Variants in FAM156A observed in about 807,000 individuals in gnomAD.
FAM156A encodes the protein protein FAM156A/FAM156B.
chrX:52,987,185 G>A (rs1930351526), intron 1 of FAM156A, among the ~76,000 whole-genome samples: 1 of 111,309 alleles, frequency 9.0e-6, no homozygotes, highest in South Asian at 3.7e-4. Context: ...AAGAAATAAA[G>A]GAACAATTAA....
chrX:52,993,408 CTTTTTT>C (rs147840894), intron 1 of FAM156A, among the ~76,000 whole-genome samples: 1 of 42,587 alleles, frequency 2.3e-5, no homozygotes, highest in Middle Eastern at 0.014. Flanking sequence ...TCTTAACTTT[CTTTTTT>C]TTTTTTTTTT....
intron 1 of FAM156A, among the ~76,000 whole-genome samples, chrX:52,981,448 C>T (rs1556793389): frequency 1.8e-5 from 2 of 111,602 alleles, no homozygotes; most frequent in African/African-American, 6.5e-5. Flanking sequence ...CCCCTGGACA[C>T]CAAGACTTTA....
chrX:52,984,606 G>A (rs1395948699), intron 1 of FAM156A, among the ~76,000 whole-genome samples: 1 of 111,759 alleles, frequency 8.9e-6, no homozygotes, highest in Non-Finnish European at 1.9e-5. Flanking sequence ...AGTGGTTCGC[G>A]CCTGTAATCC....
chrX:52,989,549 G>A (rs1200683032), intron 1 of FAM156A, among the ~76,000 whole-genome samples: 3 of 112,750 alleles, frequency 2.7e-5, no homozygotes, highest in African/African-American at 9.7e-5. Flanking sequence ...GCCTGCAGCT[G>A]CACAGCAGGT....
chrX:52,994,908 A>G (rs913993814), intron 1 of FAM156A, among the ~76,000 whole-genome samples: 6 of 111,223 alleles, frequency 5.4e-5, no homozygotes, highest in Admixed American at 3.8e-4. Flanking sequence ...TGAGCCTAGG[A>G]GTATGAGGCT....
At chrX:52,976,205 G>A (rs1364781947) in intron 1 of FAM156A, among the ~76,000 whole-genome samples, 2 of 111,931 alleles carry the variant, frequency 1.8e-5, no homozygotes, top group Non-Finnish European at 3.8e-5. Flanking sequence ...CAGCACTTTG[G>A]GAGGCTGAGT....
intron 1 of FAM156A, among the ~76,000 whole-genome samples, chrX:52,981,563 C>A (rs1263321902): frequency 8.9e-6 from 1 of 111,758 alleles, no homozygotes; most frequent in African/African-American, 3.3e-5. Context: ...TAGGGTTCCT[C>A]GTCCATCCAA....
At chrX:52,991,290 G>A (rs1556795547) in intron 1 of FAM156A, among the ~76,000 whole-genome samples, 1 of 110,939 alleles carries the variant, frequency 9.0e-6, no homozygotes, top group African/African-American at 3.3e-5. Context: ...ATAATTCATG[G>A]AGTCTGAAGG....
At chrX:52,973,393 G>A (rs1323889706) in intron 1 of FAM156A, among the ~76,000 whole-genome samples, 22 of 109,558 alleles carry the variant, frequency 2.0e-4, no homozygotes, top group Non-Finnish European at 4.0e-4. Flanking sequence ...TACATACAGA[G>A]GAACAAATTT....
At chrX:52,987,602 T>C (rs1173016557) in intron 1 of FAM156A, among the ~76,000 whole-genome samples, 1 of 108,374 alleles carries the variant, frequency 9.2e-6, no homozygotes, top group Non-Finnish European at 1.9e-5. Flanking sequence ...AAACCGTGAT[T>C]GTGGCACTGC....
In FAM156A at chrX:52,994,769, G is replaced by A. The variant is rs1024789125; in HGVS notation, c.-434+537C>T. Among the ~76,000 whole-genome samples the A allele has an allele frequency of 3.6e-5, 4 of 111,175 alleles. No homozygotes were observed. The South Asian group carries it at 1.5e-3, about 42-fold the overall frequency. ...GTGGGAGGATCACTTGAGGCCAGGA[G>A]TTCAAAAACAGCCTGATCAACATAG... On this transcript the variant is annotated intron_variant, in intron 1 of 4. Coordinates refer to the FAM156A transcript ENST00000610625.
chrX:52,990,396 G>A (rs991316817), intron 1 of FAM156A, among the ~76,000 whole-genome samples: 103 of 111,468 alleles, frequency 9.2e-4, no homozygotes, highest in African/African-American at 3.3e-3. Context: ...CAACAGACAC[G>A]GAGAAGAGGA....
At chrX:52,985,765 C>A (rs1569206634) in intron 1 of FAM156A, among the ~76,000 whole-genome samples, 1 of 110,026 alleles carries the variant, frequency 9.1e-6, no homozygotes, top group Non-Finnish European at 1.9e-5. Flanking sequence ...AGACACAAAC[C>A]ACCAAAACTT....
intron 1 of FAM156A, among the ~76,000 whole-genome samples, chrX:52,986,749 A>G (rs782170149): frequency 8.9e-6 from 1 of 111,772 alleles, no homozygotes; most frequent in Non-Finnish European, 1.9e-5. Flanking sequence ...ACCTTATATT[A>G]TACTTAATAA....
chrX:52,993,972 T>C (rs782304553), intron 1 of FAM156A, among the ~76,000 whole-genome samples: 5 of 110,984 alleles, frequency 4.5e-5, no homozygotes, highest in Non-Finnish European at 7.5e-5. Context: ...TTATGATACA[T>C]ACTGAGGTTC....
rs199921020 is a variant in FAM156A, at chrX:52,977,089, C to A, written c.-433-12854G>T. Among the ~76,000 whole-genome samples the A allele has an allele frequency of 3.2e-5, 3 of 93,044 alleles. No individual in the cohort carries two copies. The Admixed American group carries it at 3.5e-4, about 11-fold the overall frequency. 80.8% of individuals were successfully genotyped at this position (93,044 alleles called of 115,157 possible). A position where few individuals can be genotyped will look rare whatever the true frequency, so the allele number is the denominator to read the frequency against. On this transcript the variant is annotated intron_variant, in intron 1 of 4. Transcript: ENST00000610625. ...ACATATACATATATACATATATATA[C>A]ACACACACACACACACATATATATA...
intron 1 of FAM156A, among the ~76,000 whole-genome samples, chrX:52,984,212 A>G (rs1203662230): frequency 3.6e-5 from 4 of 112,019 alleles, no homozygotes; most frequent in African/African-American, 1.3e-4. Context: ...TTTTTTAGGA[A>G]AGTCACAGAA....
chrX:52,986,255 A>T (rs1930279217), intron 1 of FAM156A, among the ~76,000 whole-genome samples: 1 of 108,193 alleles, frequency 9.2e-6, no homozygotes, highest in Non-Finnish European at 1.9e-5. Context: ...AAATAAAAAA[A>T]TAAAATCACT....
intron 1 of FAM156A, among the ~76,000 whole-genome samples, chrX:52,980,349 A>T (rs1415421427): frequency 1.8e-5 from 2 of 111,803 alleles, no homozygotes. Flanking sequence ...CTGTTAGTTG[A>T]TGGGGAAAAT....
Sources: gnomAD v4.1 joint callset for allele counts (sites outside exome capture counted in the v4.1 genomes callset) on GRCh38, gnomAD v4.1.1 for gene constraint, MANE v1.5 for transcripts, NCBI Gene and HGNC (gene_info 2026-07-23, HGNC 2026-07-21) for gene names.